Variants in MCTP1 observed in about 807,000 individuals in gnomAD.
MCTP1 encodes multiple C2 and transmembrane domain containing 1.
Under a neutral mutation model 120.6 loss-of-function variants are expected in MCTP1, and 69 were observed. That is an observed-to-expected ratio of 0.57 (90% CI 0.47 to 0.70). MCTP1 has a LOEUF of 0.70. Among genes scored for constraint, MCTP1 ranks in the 30% least tolerant of loss-of-function variants. The pLI, the probability that MCTP1 is intolerant of heterozygous loss-of-function variation, is 0.00. For missense variants in MCTP1, 1,203 were observed against 1,248.8 expected, an observed-to-expected ratio of 0.96 and a Z score of 0.55; for synonymous variants, 529 against 493.1, an observed-to-expected ratio of 1.07 and a Z score of -0.96.
At chr5:95,174,763 A>G (rs1313162124) in intron 1 of MCTP1, among the ~76,000 whole-genome samples, 3 of 152,212 alleles carry the variant, frequency 2.0e-5, no homozygotes, top group Admixed American at 6.5e-5. Flanking sequence ...GCATAAAGTA[A>G]GTACTCAATA....
At chr5:94,997,666 T>C (rs1172824839) in intron 2 of MCTP1, among the ~76,000 whole-genome samples, 1 of 152,198 alleles carries the variant, frequency 6.6e-6, no homozygotes, top group Admixed American at 6.6e-5. Context: ...CCTCATCAAA[T>C]GGTACATTTG....
At chr5:94,982,670 C>A (rs892904520) in intron 2 of MCTP1, among the ~76,000 whole-genome samples, 1 of 151,922 alleles carries the variant, frequency 6.6e-6, no homozygotes, top group Non-Finnish European at 1.5e-5. Context: ...GGGCAGATCA[C>A]CTGAAGTCAG....
intron 19 of MCTP1, among the ~76,000 whole-genome samples, chr5:94,737,771 G>T (rs940158033): frequency 9.2e-5 from 14 of 152,180 alleles, no homozygotes; most frequent in African/African-American, 3.1e-4. Flanking sequence ...TGCCTCTGGG[G>T]CTCAAGTGAT....
intron 1 of MCTP1, among the ~76,000 whole-genome samples, chr5:95,209,125 G>C (rs1458545309): frequency 6.6e-6 from 1 of 152,100 alleles, no homozygotes. Context: ...ATGACCAAAA[G>C]GGAATTGTAT....
chr5:94,753,944 G>C (rs1404338280), intron 19 of MCTP1, among the ~76,000 whole-genome samples: 1 of 152,158 alleles, frequency 6.6e-6, no homozygotes, highest in Non-Finnish European at 1.5e-5. Context: ...CAAAATATGT[G>C]TTTAAAAGAG....
chr5:94,726,317 A>G (rs1169286418), intron 19 of MCTP1, among the ~76,000 whole-genome samples: 1 of 152,220 alleles, frequency 6.6e-6, no homozygotes, highest in Non-Finnish European at 1.5e-5. Context: ...GCCACTGGTT[A>G]TACTCATAAG....
chr5:95,098,293 C>A (rs1343380210), intron 1 of MCTP1, among the ~76,000 whole-genome samples: 1 of 152,064 alleles, frequency 6.6e-6, no homozygotes, highest in Admixed American at 6.5e-5. Flanking sequence ...CTGTTTTTCC[C>A]AATGATTTAA....
chr5:94,987,506 T>C (rs1175276347), intron 2 of MCTP1, among the ~76,000 whole-genome samples: 2 of 152,194 alleles, frequency 1.3e-5, no homozygotes, highest in East Asian at 1.9e-4. Flanking sequence ...CTGTTGAATA[T>C]CAACTCTGGG....
chr5:95,045,001 A>G (rs939410291), intron 1 of MCTP1, among the ~76,000 whole-genome samples: 2 of 151,976 alleles, frequency 1.3e-5, no homozygotes, highest in Non-Finnish European at 2.9e-5. Context: ...ACTTCCATAC[A>G]CTGAAAACTC....
intron 1 of MCTP1, among the ~76,000 whole-genome samples, chr5:95,138,914 C>T (rs1759675060): frequency 6.6e-6 from 1 of 152,026 alleles, no homozygotes; most frequent in Non-Finnish European, 1.5e-5. Context: ...TCTGATGTGT[C>T]GAATTTGTCA....
At chr5:94,849,830 G>C (rs183051492) in intron 17 of MCTP1, among the ~76,000 whole-genome samples, 1 of 152,096 alleles carries the variant, frequency 6.6e-6, no homozygotes. Context: ...CCAAAAAACT[G>C]CTGCAAAAAA....
At chr5:94,758,127 T>G (rs1426391722) in intron 19 of MCTP1, among the ~76,000 whole-genome samples, 3 of 152,240 alleles carry the variant, frequency 2.0e-5, no homozygotes, top group East Asian at 1.9e-4. Flanking sequence ...GAAAACTCAC[T>G]ACACTCTTTT....
At position 95,186,754 on chromosome 5, in the gene MCTP1, A is replaced by T. The variant is rs150634710; in HGVS notation, c.720+97102T>A. On this transcript the variant is annotated intron_variant, in intron 1 of 22. Transcript: ENST00000515393. ...CACTCTGCCTTTTAATAAGGCTTAC[A>T]TTATTAGCTAGAAAAATCAAGACAG... is the stretch of plus-strand genomic sequence containing the variant. 1.4e-3 allele frequency among the ~76,000 whole-genome samples: 211 copies of T among 152,296 alleles called. 1 individual carries two copies. Among genetic ancestry groups the T allele is most frequent in the African/African-American group, 4.7e-3 (194 of 41,554 alleles).
At chr5:94,794,422 C>A (rs1177906669) in intron 18 of MCTP1, among the ~76,000 whole-genome samples, 1 of 152,196 alleles carries the variant, frequency 6.6e-6, no homozygotes, top group Non-Finnish European at 1.5e-5. Context: ...TGACCAGCAC[C>A]AATTCATGCA....
At chr5:94,798,116 CAT>C (rs1285000022) in intron 18 of MCTP1, among the ~76,000 whole-genome samples, 1 of 141,500 alleles carries the variant, frequency 7.1e-6, no homozygotes, top group Non-Finnish European at 1.6e-5. Flanking sequence ...AAAAAAAAAA[CAT>C]AGTAATCTGC....
rs1308013699 is a variant in MCTP1 at position 95,284,234 on chromosome 5, T to A, written c.342A>T (p.Arg114Ser). The change falls in exon 1 of 23, where the codon AGA becomes AGT. Residue 114 changes from arginine to serine, a missense_variant. By Grantham distance (110) the Arg-to-Ser change is moderately radical. Transcript: ENST00000515393. This position sits in a 1 kb window ranked among gnomAD's most constrained non-coding sequence, Gnocchi z 5.2. ...GGCGTAGCGTGGACCCCTGCTCGGC[T>A]CTGCCGGCGCCGCCGGGCTCCAGGG... ...PEPLEPGGAG[R>S]AEQGSTLRRR... is the part of the protein sequence containing the mutation. The A allele has an allele frequency of 6.3e-7, 1 of 1,585,180 alleles. No homozygotes were observed. Among genetic ancestry groups the A allele is most frequent in the Non-Finnish European group, 8.5e-7 (1 of 1,172,548 alleles).
intron 17 of MCTP1, among the ~76,000 whole-genome samples, chr5:94,815,454 C>A (rs1784321528): frequency 6.6e-6 from 1 of 152,200 alleles, no homozygotes; most frequent in Non-Finnish European, 1.5e-5. Flanking sequence ...TTTTCTGGAG[C>A]TATTCTATCT....
At chr5:95,230,001 A>G (rs1357082282) in intron 1 of MCTP1, among the ~76,000 whole-genome samples, 1 of 152,120 alleles carries the variant, frequency 6.6e-6, no homozygotes. Context: ...ATAATGGAGA[A>G]GAAAAGGAGG....
At chr5:94,910,968 A>T (rs1808407680) in intron 9 of MCTP1, among the ~76,000 whole-genome samples, 1 of 152,132 alleles carries the variant, frequency 6.6e-6, no homozygotes, top group South Asian at 2.1e-4. Flanking sequence ...CTAAATTTTC[A>T]GTTTTCTTTT....
Sources: gnomAD v4.1 joint callset for allele counts (sites outside exome capture counted in the v4.1 genomes callset) on GRCh38, gnomAD v4.1.1 for gene constraint, Gnocchi (gnomAD v3.1) non-coding constraint, MANE v1.5 for transcripts, NCBI Gene and HGNC (gene_info 2026-07-23, HGNC 2026-07-21) for gene names.